Variants in RNFT2 observed in about 807,000 individuals in gnomAD.
The protein encoded by RNFT2 is E3 ubiquitin-protein ligase RNFT2.
In RNFT2, 36 loss-of-function variants were observed where a neutral mutation model predicts 53.0. The observed-to-expected ratio is 0.68, with a 90% CI of 0.52 to 0.90. RNFT2 has a LOEUF of 0.90. Among genes scored for constraint, RNFT2 ranks in the 40% least tolerant of loss-of-function variants. The pLI, the probability that RNFT2 is intolerant of heterozygous loss-of-function variation, is 0.00. For synonymous variants in RNFT2, 260 were observed against 253.2 expected (o/e 1.03, Z -0.26); for missense variants, 514 against 585.6 (o/e 0.88, Z 1.26).
chr12:116,755,526 T>C, intron 5 of RNFT2: 1 of 858,834 alleles, frequency 1.2e-6, no homozygotes, highest in Non-Finnish European at 2.0e-6. Flanking sequence ...TCCGCTTCTT[T>C]CTTTTTCTGA....
chr12:116,754,630 C>T (rs1290362214), intron 5 of RNFT2, among the ~76,000 whole-genome samples: 4 of 152,240 alleles, frequency 2.6e-5, no homozygotes, highest in Admixed American at 6.5e-5. Context: ...CCCTGTCCAC[C>T]GCATTCACAC....
intron 5 of RNFT2, among the ~76,000 whole-genome samples, chr12:116,759,500 G>A (rs953730306): frequency 2.6e-5 from 4 of 152,168 alleles, no homozygotes; most frequent in Admixed American, 6.5e-5. Context: ...TCCGTCAGAC[G>A]GAAGGTCTAG....
intron 7 of RNFT2, among the ~76,000 whole-genome samples, chr12:116,783,688 T>C (rs1480135744): frequency 2.0e-5 from 3 of 152,244 alleles, no homozygotes; most frequent in Non-Finnish European, 2.9e-5. Context: ...GAAGTGGCAA[T>C]GTCTTCCACC....
rs1206106908 is a variant in RNFT2, at chr12:116,838,934, G to A, written c.1200+2652G>A. 2.6e-5 allele frequency among the ~76,000 whole-genome samples: 4 copies of A among 152,234 alleles called. 1 individual carries two copies. The East Asian group carries it at 7.7e-4, about 29-fold the overall frequency. On this transcript the variant is annotated intron_variant, in intron 10 of 10. Transcript: ENST00000257575. ...CAGGCACACATTTTAGTCTTGCTCT[G>A]TTGCTGTGAGCTAGGCCTGGAAAGG...
rs536514020 is a variant in RNFT2 at position 116,802,867 on chromosome 12, G to A, written c.882+23519G>A. Among the ~76,000 whole-genome samples the A allele has an allele frequency of 2.0e-5, 3 of 152,224 alleles. No homozygotes were observed. The East Asian group carries it at 5.8e-4, about 29-fold the overall frequency. Reference sequence around the variant, plus strand: ...CCTAGCACTTTGGGAGGCCGAGCCAGGAGGATCACTTGAATCCAGGAGTTC... The same window carrying A: ...CCTAGCACTTTGGGAGGCCGAGCCAAGAGGATCACTTGAATCCAGGAGTTC... On this transcript the variant is annotated intron_variant, in intron 7 of 10. Transcript: ENST00000257575.
At chr12:116,834,113 AT>A (rs940236015) in intron 8 of RNFT2, among the ~76,000 whole-genome samples, 172 bp downstream of exon 8, 1 of 151,886 alleles carries the variant, frequency 6.6e-6, no homozygotes, top group African/African-American at 2.4e-5. Flanking sequence ...TTTTATTTTT[AT>A]TTTATTTTAT....
intron 10 of RNFT2, among the ~76,000 whole-genome samples, chr12:116,843,928 G>C (rs1287722611): frequency 6.6e-6 from 1 of 152,294 alleles, no homozygotes; most frequent in East Asian, 1.9e-4. Flanking sequence ...TGGACAGTAG[G>C]AGTACGATAA....
intron 7 of RNFT2, among the ~76,000 whole-genome samples, chr12:116,789,852 A>G (rs1192040380): frequency 7.0e-6 from 1 of 142,090 alleles, no homozygotes; most frequent in Non-Finnish European, 1.5e-5. Flanking sequence ...GAGGAGAGTG[A>G]GTAGATGGAT....
At chr12:116,771,613 T>TA (rs1415230768) in intron 6 of RNFT2, among the ~76,000 whole-genome samples, 1 of 151,876 alleles carries the variant, frequency 6.6e-6, no homozygotes, top group Non-Finnish European at 1.5e-5. Context: ...TGTTAAGTGA[T>TA]AAAAATGTCT....
chr12:116,741,171 C>A (rs184272299), intron 3 of RNFT2, 77 bp downstream of exon 3: 3 of 1,099,784 alleles, frequency 2.7e-6, no homozygotes, highest in Non-Finnish European at 4.1e-6. Context: ...CTGGATTGAA[C>A]AATACCTCAC....
chr12:116,795,194 T>A (rs996542572), intron 7 of RNFT2, among the ~76,000 whole-genome samples: 3 of 151,846 alleles, frequency 2.0e-5, no homozygotes, highest in African/African-American at 7.3e-5. Flanking sequence ...TCACCTGGGG[T>A]CAGGAGTTCG....
intron 7 of RNFT2, among the ~76,000 whole-genome samples, chr12:116,787,578 T>G (rs1873993378): frequency 6.6e-6 from 1 of 152,056 alleles, no homozygotes; most frequent in Non-Finnish European, 1.5e-5. Flanking sequence ...TAGCTGGGCA[T>G]GGTGGAACGC....
At chr12:116,765,721 A>G (rs1459245105) in intron 5 of RNFT2, among the ~76,000 whole-genome samples, 2 of 152,206 alleles carry the variant, frequency 1.3e-5, no homozygotes, top group African/African-American at 4.8e-5. Context: ...CCTGGGGACT[A>G]GACAGGAATG....
intron 5 of RNFT2, among the ~76,000 whole-genome samples, chr12:116,765,809 A>T (rs1872888930): frequency 6.6e-6 from 1 of 152,184 alleles, no homozygotes; most frequent in African/African-American, 2.4e-5. Flanking sequence ...TTAATTCTAC[A>T]CTGTGGCATT....
chr12:116,760,309 C>T (rs769777775), intron 5 of RNFT2, among the ~76,000 whole-genome samples: 3 of 152,182 alleles, frequency 2.0e-5, no homozygotes, highest in African/African-American at 4.8e-5. Context: ...TAGTTCGTGC[C>T]GCCGCTGTGG....
chr12:116,786,934 C>T (rs1873959696), intron 7 of RNFT2, among the ~76,000 whole-genome samples: 1 of 152,168 alleles, frequency 6.6e-6, no homozygotes, highest in African/African-American at 2.4e-5. Flanking sequence ...ATGGTCTTCT[C>T]CTCTTCTGTG....
chr12:116,760,089 G>C (rs1022312067), intron 5 of RNFT2, among the ~76,000 whole-genome samples: 34 of 152,214 alleles, frequency 2.2e-4, no homozygotes, highest in Non-Finnish European at 3.4e-4. Context: ...GAGGATTATG[G>C]TTGCTTCTGC....
chr12:116,766,646 C>T (rs148264671), intron 5 of RNFT2, among the ~76,000 whole-genome samples, 168 bp from the exon 6 acceptor site: 6 of 152,322 alleles, frequency 3.9e-5, no homozygotes, highest in East Asian at 3.9e-4. Context: ...CCGTGACCAC[C>T]GCTTGGGTAT....
intron 7 of RNFT2, among the ~76,000 whole-genome samples, chr12:116,824,011 A>G (rs1335941065): frequency 6.6e-6 from 1 of 152,150 alleles, no homozygotes; most frequent in Non-Finnish European, 1.5e-5. Flanking sequence ...TCCCAAGTCC[A>G]TGCTCTTTGC....
Sources: gnomAD v4.1 joint callset for allele counts (sites outside exome capture counted in the v4.1 genomes callset) on GRCh38, gnomAD v4.1.1 for gene constraint, MANE v1.5 for transcripts, NCBI Gene and HGNC (gene_info 2026-07-23, HGNC 2026-07-21) for gene names.